DPYSL3: variants seen among roughly 807,000 people sequenced by gnomAD.
DPYSL3 encodes the protein dihydropyrimidinase like 3.
Under a neutral mutation model 66.1 loss-of-function variants are expected in DPYSL3, and 16 were observed. That is an observed-to-expected ratio of 0.24 (90% confidence interval 0.16 to 0.37). The LOEUF is 0.37. Ranked by LOEUF, DPYSL3 falls within the 10% of genes least tolerant of loss-of-function variation. DPYSL3 has a pLI of 1.00. For synonymous variants in DPYSL3, 338 were observed against 345.1 expected, an observed-to-expected ratio of 0.98 and a Z score of 0.23; for missense variants, 738 against 916.2, an observed-to-expected ratio of 0.81 and a Z score of 2.51.
intron 1 of DPYSL3, among the ~76,000 whole-genome samples, chr5:147,443,579 T>C (rs539290658): frequency 1.4e-5 from 2 of 148,098 alleles, no homozygotes; most frequent in Non-Finnish European, 3.0e-5. Context: ...CTGCACGTTC[T>C]GCACATGTAT....
At chr5:147,443,545 C>T (rs1241184899) in intron 1 of DPYSL3, among the ~76,000 whole-genome samples, 1 of 149,680 alleles carries the variant, frequency 6.7e-6, no homozygotes, top group African/African-American at 2.5e-5. Flanking sequence ...ACCACCACGG[C>T]ACATGTATAC....
At chr5:147,422,788 A>C (rs1184540911) in intron 2 of DPYSL3, among the ~76,000 whole-genome samples, 1 of 151,988 alleles carries the variant, frequency 6.6e-6, no homozygotes, top group African/African-American at 2.4e-5. Context: ...CACACTTATA[A>C]GTGGGACTTG....
At chr5:147,483,371 G>A (rs548195551) in intron 1 of DPYSL3, among the ~76,000 whole-genome samples, 7 of 152,290 alleles carry the variant, frequency 4.6e-5, no homozygotes, top group Non-Finnish European at 8.8e-5. Flanking sequence ...AATGGCCCCG[G>A]CTAATGTAAC....
At chr5:147,442,542 A>T (rs1335434587) in intron 1 of DPYSL3, among the ~76,000 whole-genome samples, 1 of 152,242 alleles carries the variant, frequency 6.6e-6, no homozygotes, top group Non-Finnish European at 1.5e-5. Context: ...AAGATTACTC[A>T]ACCTCTCATC....
At chr5:147,397,566 G>C (rs1480584257) in intron 12 of DPYSL3, 100 bp downstream of exon 12, 2 of 1,220,248 alleles carry the variant, frequency 1.6e-6, no homozygotes, top group Non-Finnish European at 1.1e-6. Context: ...TTCTCTGTGA[G>C]AGTCTAGAGA....
chr5:147,497,868 A>T (rs184815947), intron 1 of DPYSL3, among the ~76,000 whole-genome samples: 3 of 152,100 alleles, frequency 2.0e-5, no homozygotes, highest in Admixed American at 6.6e-5. Context: ...CTTTTTCACC[A>T]CAACTTTTCT....
Position 147,418,590 on chromosome 5 carries a change from G to C in DPYSL3, c.512C>G (p.Thr171Ser). The change falls in exon 3 of 14, where the codon ACC becomes AGC. Residue 171 changes from threonine (T) to serine (S), a missense_variant. Transcript: ENST00000343218. ...DNLIVPGGVK[T>S]IEANGKMVIP... ...CACCATCTTCCCATTGGCTTCAATG[G>C]TCTTCACTCCTCCAGGAACAATCAG... is the stretch of plus-strand genomic sequence containing the variant. 6.2e-7 allele frequency: 1 copy of C among 1,609,546 alleles called. No individual in the cohort carries two copies. The highest frequency in any genetic ancestry group is 2.2e-5 in the East Asian group (1 of 44,774).
chr5:147,457,584 C>A (rs74843544), intron 1 of DPYSL3, among the ~76,000 whole-genome samples: 3 of 152,148 alleles, frequency 2.0e-5, no homozygotes, highest in African/African-American at 7.2e-5. Context: ...ATTAAGATGG[C>A]GAAGAATCAC....
Position 147,509,527 on chromosome 5 carries a change from C to G in DPYSL3, c.332G>C (p.Arg111Pro). Residue 111 changes from arginine (R) to proline (P), a missense_variant, in exon 1 of 14, where the codon CGG becomes CCG. Arg to Pro is a moderately radical substitution (Grantham distance 103). Coordinates refer to ENST00000343218, the MANE Select transcript of DPYSL3 (RefSeq NM_001197294.2). This position sits in a 1 kb window ranked among gnomAD's most constrained non-coding sequence, Gnocchi z 5.3. ...CAACACCTCTTTGCCGGTGGCGCTC[C>G]GGATCTCTACCCCGGCGGGGGCGGG... ...ASPAPAGVEI[R>P]SATGKEVLQN... 1 of 1,534,198 alleles carries G rather than the reference C, an allele frequency of 6.5e-7. No homozygotes were observed. The highest frequency in any genetic ancestry group is 8.7e-7 in the Non-Finnish European group (1 of 1,146,032).
intron 1 of DPYSL3, among the ~76,000 whole-genome samples, chr5:147,505,055 A>G (rs1649929256): frequency 6.6e-6 from 1 of 152,232 alleles, no homozygotes; most frequent in African/African-American, 2.4e-5. Context: ...AAAATTATAA[A>G]TGAAAAGTTG....
intron 1 of DPYSL3, among the ~76,000 whole-genome samples, chr5:147,507,267 T>C (rs1242295975): frequency 6.6e-6 from 1 of 152,120 alleles, no homozygotes; most frequent in Non-Finnish European, 1.5e-5. Flanking sequence ...TAAGGAAATA[T>C]ATTTACCCTT....
intron 1 of DPYSL3, among the ~76,000 whole-genome samples, chr5:147,494,615 C>G (rs1753470486): frequency 6.7e-6 from 1 of 150,364 alleles, no homozygotes; most frequent in African/African-American, 2.4e-5. Flanking sequence ...CCTGTAATCC[C>G]AGCACTTTGG....
Position 147,437,412 on chromosome 5 carries a change from AGG to A in DPYSL3, c.382-12451_382-12450del, listed in dbSNP as rs1752432544. Among the ~76,000 whole-genome samples, 7 of 152,228 alleles carry A rather than the reference AGG, an allele frequency of 4.6e-5. No homozygotes were observed. The East Asian group carries it at 9.6e-4, about 21-fold the overall frequency. On this transcript the variant is annotated intron_variant, in intron 1 of 13. Coordinates refer to ENST00000343218, the MANE Select transcript of DPYSL3 (RefSeq NM_001197294.2). ...CTCCCCATCTATTTGTGGAGGCCAC[AGG>A]GATTCTTCTTCAAGTCTGACATTGT...
Position 147,509,625 on chromosome 5 carries a change from C to A in DPYSL3, c.234G>T (p.Arg78=). Residue 78 remains arginine (R), a synonymous_variant, in exon 1 of 14, where the codon CGG becomes CGT. Coordinates refer to ENST00000343218, the MANE Select transcript of DPYSL3 (RefSeq NM_001197294.2). This position sits in a 1 kb window ranked among gnomAD's most constrained non-coding sequence, Gnocchi z 5.3. ...GQGSDRGSGS[R]PGIEGDTPRR... ...GCGGGGTGTCCCCCTCGATCCCGGG[C>A]CGACTCCCCGATCCTCGGTCGCTGC... is the stretch of plus-strand genomic sequence containing the variant. 1 of 1,535,644 alleles carries A rather than the reference C, an allele frequency of 6.5e-7. No homozygotes were observed.
At chr5:147,418,310 T>G in intron 3 of DPYSL3, 137 bp downstream of exon 3, 1 of 845,208 alleles carries the variant, frequency 1.2e-6, no homozygotes, top group African/African-American at 1.7e-5. Context: ...TCTGCTTTTC[T>G]CAGGTCCCAT....
At chr5:147,412,796 A>G in intron 5 of DPYSL3, 108 bp from the exon 6 acceptor site, 1 of 938,206 alleles carries the variant, frequency 1.1e-6, no homozygotes, top group East Asian at 2.6e-5. Context: ...AGCAGAGGAA[A>G]TAAGTCACTA....
chr5:147,482,756 T>C lies in DPYSL3; in HGVS notation c.381+26722A>G, dbSNP rs374503827. 4.7e-4 allele frequency among the ~76,000 whole-genome samples: 72 copies of C among 152,342 alleles called. No individual in the cohort carries two copies. In the East Asian group the frequency reaches 7.5e-3, roughly 16 times the overall value. Reference sequence around the variant, plus strand: ...GAGGTTGTATTAGTCTGTTTTCACATTGGTATAAAGATACTGCCTTAGACT... The same window carrying C: ...GAGGTTGTATTAGTCTGTTTTCACACTGGTATAAAGATACTGCCTTAGACT... On this transcript the variant is annotated intron_variant, in intron 1 of 13. Coordinates refer to ENST00000343218, the MANE Select transcript of DPYSL3 (RefSeq NM_001197294.2).
chr5:147,453,701 G>GGCCGCGCC (rs1185960740), intron 1 of DPYSL3: 323 of 1,344,762 alleles, frequency 2.4e-4, no homozygotes, highest in Non-Finnish European at 3.0e-4. Context: ...ATGGTGCGCT[G>GGCCGCGCC]GCCGCGCCGC....
chr5:147,494,125 G>A (rs890662635), intron 1 of DPYSL3, among the ~76,000 whole-genome samples: 1 of 151,988 alleles, frequency 6.6e-6, no homozygotes, highest in East Asian at 1.9e-4. Flanking sequence ...CCCAGGAGGC[G>A]GAGGTGTCTA....
Sources: gnomAD v4.1 joint callset for allele counts (sites outside exome capture counted in the v4.1 genomes callset) on GRCh38, gnomAD v4.1.1 for gene constraint, Gnocchi (gnomAD v3.1) non-coding constraint, MANE v1.5 for transcripts, NCBI Gene and HGNC (gene_info 2026-07-23, HGNC 2026-07-21) for gene names.